Variants in CPO observed in about 807,000 individuals in gnomAD.
CPO encodes the protein metallocarboxypeptidase C.
In CPO, 43 loss-of-function variants were observed where a neutral mutation model predicts 41.2. That is an observed-to-expected ratio of 1.04 (90% CI 0.82 to 1.35). CPO has a LOEUF of 1.35. Among genes scored for constraint, CPO ranks in the 40% most tolerant of loss-of-function variants. CPO has a pLI of 0.00. For missense variants in CPO, 408 were observed against 451.7 expected (o/e 0.90, Z 0.88); for synonymous variants, 178 against 162.7 (o/e 1.09, Z -0.72).
rs750820125 is a variant in CPO at position 206,969,413 on chromosome 2, G to A, written c.1102G>A (p.Val368Met). ...TGCCACTATGCTGCTGGGCCTGCTG[G>A]TGTCCTGCATGTCTCTTCTCTAAGT... ...TSATMLLGLL[V>M]SCMSLL Residue 368 changes from valine (V) to methionine (M), a missense_variant, in exon 9 of 9, where the codon GTG (valine) becomes ATG (methionine). Val to Met is a conservative substitution (Grantham distance 21). Transcript: ENST00000272852. 3 of 1,614,080 alleles carry A rather than the reference G, an allele frequency of 1.9e-6. No individual in the cohort carries two copies. The highest frequency in any genetic ancestry group is 2.5e-6 in the Non-Finnish European group (3 of 1,179,994).
chr2:206,968,466 T>C (rs1693625984), intron 8 of CPO, 119 bp downstream of exon 8: 5 of 669,580 alleles, frequency 7.5e-6, no homozygotes, highest in Non-Finnish European at 1.3e-5. Context: ...CAGGGAGTTG[T>C]ACAAATCAAA....
At chr2:206,952,729 C>A (rs1055006293) in intron 2 of CPO, among the ~76,000 whole-genome samples, 2 of 152,118 alleles carry the variant, frequency 1.3e-5, no homozygotes, top group Admixed American at 1.3e-4. Flanking sequence ...AGGCCATAAT[C>A]AGGTCTTCTC....
chr2:206,948,838 A>G (rs1234559988), intron 1 of CPO, among the ~76,000 whole-genome samples: 1 of 152,288 alleles, frequency 6.6e-6, no homozygotes, highest in East Asian at 1.9e-4. Flanking sequence ...AATCCATTCA[A>G]TGTATGAAGA....
At chr2:206,965,198 G>A (rs1404985107) in intron 7 of CPO, among the ~76,000 whole-genome samples, 1 of 152,172 alleles carries the variant, frequency 6.6e-6, no homozygotes, top group East Asian at 1.9e-4. Flanking sequence ...GTGCTGAAGA[G>A]TTCACATAAA....
At chr2:206,940,631 T>G (rs1693010969) in intron 1 of CPO, among the ~76,000 whole-genome samples, 1 of 152,084 alleles carries the variant, frequency 6.6e-6, no homozygotes, top group Admixed American at 6.6e-5. Flanking sequence ...TCTGTGTGTG[T>G]GTATGTGTGT....
chr2:206,967,967 C>G (rs1693616876), intron 7 of CPO, among the ~76,000 whole-genome samples: 1 of 152,174 alleles, frequency 6.6e-6, no homozygotes, highest in African/African-American at 2.4e-5. Flanking sequence ...AACTTGGAAA[C>G]TGTTTTAGAG....
chr2:206,951,082 A>T (rs931579715), intron 2 of CPO, among the ~76,000 whole-genome samples: 6 of 140,994 alleles, frequency 4.3e-5, no homozygotes, highest in Admixed American at 2.1e-4. Flanking sequence ...AGTATAATTA[A>T]AAAAAAAAGG....
chr2:206,967,343 A>ATATC (rs1559075230), intron 7 of CPO, among the ~76,000 whole-genome samples: 12 of 77,100 alleles, frequency 1.6e-4, no homozygotes, highest in African/African-American at 5.8e-4. Flanking sequence ...ATATATATAT[A>ATATC]TATATATAGA....
At position 206,964,339 on chromosome 2, in the gene CPO, C is replaced by T. The variant is rs572818849; in HGVS notation, c.777+1725C>T. On this transcript the variant is annotated intron_variant, in intron 7 of 8. Transcript: ENST00000272852. ...ATCATTTTGTAACATGTGGAAATAA[C>T]TAACATCTGCCTAGATCTTTACAAT... Among the ~76,000 whole-genome samples, 9 of 152,346 alleles carry T rather than the reference C, an allele frequency of 5.9e-5. No homozygotes were observed. The South Asian group carries it at 8.3e-4, about 14-fold the overall frequency.
At position 206,958,281 on chromosome 2, in the gene CPO, G is replaced by C. The variant is rs750824358; in HGVS notation, c.268-20G>C. 21 of 1,334,822 alleles carry C rather than the reference G, an allele frequency of 1.6e-5. No individual in the cohort carries two copies. The highest frequency in any genetic ancestry group is 2.1e-5 in the Non-Finnish European group (20 of 942,962). 82.7% of individuals were successfully genotyped at this position (1,334,822 alleles called of 1,614,324 possible). Reference sequence around the variant, plus strand: ...ATAATCAGCAATTGTTTAGTAATGGGGCATGGATATCTTCTCCAGATCAGC... The same window carrying C: ...ATAATCAGCAATTGTTTAGTAATGGCGCATGGATATCTTCTCCAGATCAGC... On this transcript the variant is annotated intron_variant, in intron 3 of 8. Coordinates refer to ENST00000272852, the MANE Select transcript of CPO (RefSeq NM_173077.3).
intron 7 of CPO, among the ~76,000 whole-genome samples, chr2:206,965,552 C>T (rs750721374): frequency 2.2e-4 from 34 of 152,130 alleles, no homozygotes; most frequent in Non-Finnish European, 3.2e-4. Context: ...ATGAGAATAG[C>T]TATAAGAATT....
Position 206,958,728 on chromosome 2 carries a change from GTTTTTTTTT to G in CPO, c.372+345_372+353del, listed in dbSNP as rs752377148. On this transcript the variant is annotated intron_variant, in intron 4 of 8. Transcript: ENST00000272852. The stretch of plus-strand genomic sequence containing the variant: ...CTAATAGTATTTGGCAAATTTTCTA[GTTTTTTTTT>G]TTTTTTTTTTTTTTTTTTTTTAAGA... Among the ~76,000 whole-genome samples, 227 of 53,336 alleles carry G rather than the reference GTTTTTTTTT, an allele frequency of 4.3e-3. 2 individuals carry two copies. The highest frequency in any genetic ancestry group is 0.015 in the African/African-American group (217 of 14,628). The allele number at this position is 53,336 out of a possible 152,430, so 35.0% of individuals were successfully genotyped here.
At chr2:206,943,063 T>C (rs2105817608) in intron 1 of CPO, among the ~76,000 whole-genome samples, 1 of 151,124 alleles carries the variant, frequency 6.6e-6, no homozygotes, top group Non-Finnish European at 1.5e-5. Flanking sequence ...AGGTTATCTT[T>C]ATTTAATTTA....
chr2:206,955,507 G>GGT lies in CPO; in HGVS notation c.212_213dup (p.Thr72Ter). ...AGATCAGTGAGAAGTACAAGGAAGT[G>GGT]GTGACACAGCATTTCCTAGGAGTGA... On this transcript the variant is annotated frameshift_variant, in exon 3 of 9. Coordinates refer to ENST00000272852, the MANE Select transcript of CPO (RefSeq NM_173077.3). LOFTEE classifies it high-confidence loss of function. 5.6e-6 allele frequency: 9 copies of GGT among 1,611,856 alleles called. No individual in the cohort carries two copies. The highest frequency in any genetic ancestry group is 1.6e-4 in the Middle Eastern group (1 of 6,062).
intron 7 of CPO, among the ~76,000 whole-genome samples, chr2:206,963,163 C>T (rs1386292779): frequency 4.6e-5 from 7 of 152,092 alleles, no homozygotes; most frequent in African/African-American, 1.4e-4. Flanking sequence ...ACTGTTTGGT[C>T]TTATCCGTGT....
In CPO at chr2:206,960,931, C is replaced by T. The variant is rs1231406906; in HGVS notation, c.563C>T (p.Ala188Val). 1 of 1,605,254 alleles carries T rather than the reference C, an allele frequency of 6.2e-7. No homozygotes were observed. Among genetic ancestry groups the T allele is most frequent in the East Asian group, 2.2e-5 (1 of 44,828 alleles). Residue 188 changes from alanine to valine, a missense_variant, in exon 6 of 9, where the codon GCA becomes GTA. By Grantham distance (64) the Ala-to-Val change is moderately conservative. Coordinates refer to ENST00000272852, the MANE Select transcript of CPO (RefSeq NM_173077.3). ...FGTDLNRNFN[A>V]SWCSIGASRN... ...ACGGATCTCAATCGAAATTTCAATG[C>T]ATCTTGGTGTAGTAAGTACATGCTT...
In CPO at chr2:206,969,365, G is replaced by A. The variant is rs766179889; in HGVS notation, c.1054G>A (p.Asp352Asn). 1 of 1,614,048 alleles carries A rather than the reference G, an allele frequency of 6.2e-7. No homozygotes were observed. The highest frequency in any genetic ancestry group is 2.2e-5 in the East Asian group (1 of 44,834). ...TGTGTATGCGAAACACTGGCACTCG[G>A]ACAGTGCTGGAAGGGTGACATCTGC... ...DDVYAKHWHSDSAGRVTSATM... is the reference protein window; with the variant it reads ...DDVYAKHWHSNSAGRVTSATM... Residue 352 changes from aspartate (D) to asparagine (N), a missense_variant, in exon 9 of 9, where the codon GAC becomes AAC. Physicochemically the swap from Asp to Asn is conservative, Grantham distance 23. Coordinates refer to ENST00000272852, the MANE Select transcript of CPO (RefSeq NM_173077.3).
At chr2:206,960,385 C>G (rs1693456983) in intron 5 of CPO, among the ~76,000 whole-genome samples, 1 of 152,194 alleles carries the variant, frequency 6.6e-6, no homozygotes, top group Non-Finnish European at 1.5e-5. Context: ...TGTCTGATGA[C>G]ACTTGTCTTT....
At chr2:206,962,315 C>A in intron 6 of CPO, 97 bp from the exon 7 acceptor site, 2 of 1,044,916 alleles carry the variant, frequency 1.9e-6, no homozygotes, top group Non-Finnish European at 2.9e-6. Flanking sequence ...AGCGCTGATT[C>A]TACTCACAGA....
Sources: gnomAD v4.1 joint callset for allele counts (sites outside exome capture counted in the v4.1 genomes callset) on GRCh38, gnomAD v4.1.1 for gene constraint, MANE v1.5 for transcripts, NCBI Gene and HGNC (gene_info 2026-07-23, HGNC 2026-07-21) for gene names.